KYNU: variants seen among roughly 807,000 people sequenced by gnomAD.
KYNU encodes the protein L-kynurenine hydrolase.
A neutral mutation model predicts 59.2 loss-of-function variants in KYNU; 54 were observed. The observed-to-expected ratio is 0.91, with a 90% CI of 0.73 to 1.14. KYNU has a LOEUF of 1.14. Ranked by LOEUF, KYNU falls within the 50% of genes most tolerant of loss-of-function variation. KYNU has a pLI of 0.00. For synonymous variants in KYNU, 177 were observed against 192.0 expected (o/e 0.92, Z 0.65); for missense variants, 567 against 554.4 (o/e 1.02, Z -0.23).
intron 1 of KYNU, chr2:142,881,468 C>T (rs1436595098): frequency 1.3e-5 from 2 of 152,142 alleles, no homozygotes; most frequent in Admixed American, 1.3e-4. Flanking sequence ...TTATCTAACA[C>T]TCAGATATGC....
chr2:142,948,755 A>G (rs547093619), intron 4 of KYNU, among the ~76,000 whole-genome samples: 2 of 152,270 alleles, frequency 1.3e-5, no homozygotes, highest in African/African-American at 4.8e-5. Context: ...ACCAAACCAT[A>G]TCATTCCACC....
At chr2:143,000,468 A>G (rs1685679935) in intron 10 of KYNU, among the ~76,000 whole-genome samples, 1 of 152,220 alleles carries the variant, frequency 6.6e-6, no homozygotes, top group Non-Finnish European at 1.5e-5. Flanking sequence ...ATACAGAGAC[A>G]AATCTCTAAA....
Position 142,960,890 on chromosome 2 carries a change from T to TA in KYNU, c.729+131dup, listed in dbSNP as rs5834931. On this transcript the variant is annotated intron_variant, in intron 8 of 13. Coordinates refer to ENST00000264170, the MANE Select transcript of KYNU (RefSeq NM_003937.3). ...GTCTGAGTAAAACTATTTCAAAAGT[T>TA]AAAAAAAAAAAGAGTAAACCTTGGG... 6,634 of 923,392 alleles carry TA rather than the reference T, an allele frequency of 7.2e-3. 5 individuals are homozygous for TA. The highest frequency in any genetic ancestry group is 8.0e-3 in the Non-Finnish European group (4,928 of 613,196). 57.2% of individuals were successfully genotyped at this position (923,392 alleles called of 1,614,324 possible). A position where few individuals can be genotyped will look rare whatever the true frequency, so the allele number is the denominator to read the frequency against.
chr2:142,887,005 C>T (rs1681537613), intron 2 of KYNU, among the ~76,000 whole-genome samples: 1 of 152,096 alleles, frequency 6.6e-6, no homozygotes, highest in African/African-American at 2.4e-5. Context: ...CCCATCTCTA[C>T]TAAAACTACA....
intron 4 of KYNU, among the ~76,000 whole-genome samples, chr2:142,945,518 T>G (rs900482244): frequency 1.3e-5 from 2 of 152,206 alleles, no homozygotes; most frequent in African/African-American, 2.4e-5. Flanking sequence ...TTCCTCCACC[T>G]GAAGCCTTGA....
chr2:142,982,903 G>T (rs1274798430), intron 8 of KYNU, among the ~76,000 whole-genome samples: 1 of 151,944 alleles, frequency 6.6e-6, no homozygotes, highest in Non-Finnish European at 1.5e-5. Flanking sequence ...TGATCCTTTG[G>T]TATCTTGTAC....
chr2:142,964,556 A>T (rs1302915598), intron 8 of KYNU: 1 of 152,152 alleles, frequency 6.6e-6, no homozygotes, highest in Non-Finnish European at 1.5e-5. Context: ...TCTTCCAAAT[A>T]CTTGTTGATT....
Position 143,054,742 on chromosome 2 carries a change from C to A in KYNU, c.*12570C>A, listed in dbSNP as rs528978959. ...ATACCATAAAGAGTCAAATACAGGGCATGCAACATAGCTGCTGATTGGATT... is the reference window on the plus strand; with the variant it reads ...ATACCATAAAGAGTCAAATACAGGGAATGCAACATAGCTGCTGATTGGATT... On this transcript the variant is annotated 3_prime_UTR_variant, in exon 14 of 14. Coordinates refer to ENST00000264170, the MANE Select transcript of KYNU (RefSeq NM_003937.3). 1 of 152,096 alleles carries A rather than the reference C, an allele frequency of 6.6e-6. No homozygotes were observed. The highest frequency in any genetic ancestry group is 6.6e-5 in the Admixed American group (1 of 15,264). 9.4% of individuals were successfully genotyped at this position (152,096 alleles called of 1,614,324 possible).
At chr2:142,981,252 G>T (rs1685043606) in intron 8 of KYNU, among the ~76,000 whole-genome samples, 1 of 152,106 alleles carries the variant, frequency 6.6e-6, no homozygotes, top group Non-Finnish European at 1.5e-5. Flanking sequence ...AATTGATAAT[G>T]AAAGTGCTGC....
intron 8 of KYNU, among the ~76,000 whole-genome samples, chr2:142,974,190 T>C (rs1302258293): frequency 6.6e-6 from 1 of 152,128 alleles, no homozygotes; most frequent in African/African-American, 2.4e-5. Context: ...TCACAGAAAC[T>C]GTGGTCTGTG....
At chr2:142,898,519 T>A (rs1681961097) in intron 2 of KYNU, among the ~76,000 whole-genome samples, 1 of 152,230 alleles carries the variant, frequency 6.6e-6, no homozygotes, top group South Asian at 2.1e-4. Context: ...AATGAATATT[T>A]ACTTCAAAAA....
chr2:142,965,911 T>A (rs926407815), intron 8 of KYNU, among the ~76,000 whole-genome samples: 1 of 152,106 alleles, frequency 6.6e-6, no homozygotes, highest in African/African-American at 2.4e-5. Flanking sequence ...CCTTTTTCCT[T>A]TTTTTCTATC....
rs1687287400 is a variant in KYNU, at chr2:143,052,747, T to A, written c.*10575T>A. The A allele has an allele frequency of 1.3e-5, 2 of 152,314 alleles. No homozygotes were observed. The highest frequency in any genetic ancestry group is 1.5e-5 in the Non-Finnish European group (1 of 68,102). 9.4% of individuals were successfully genotyped at this position (152,314 alleles called of 1,614,324 possible). A position where few individuals can be genotyped will look rare whatever the true frequency, so the allele number is the denominator to read the frequency against. Reference sequence around the variant, plus strand: ...CCTGGATGCCCAGGCAGAAGTTTGCTGCAGGGGCAAGGCCCTCATGGAGAA... The same window carrying A: ...CCTGGATGCCCAGGCAGAAGTTTGCAGCAGGGGCAAGGCCCTCATGGAGAA... On this transcript the variant is annotated 3_prime_UTR_variant, in exon 14 of 14. Coordinates refer to ENST00000264170, the MANE Select transcript of KYNU (RefSeq NM_003937.3).
At chr2:142,879,004 T>C (rs1481303539) in intron 1 of KYNU, among the ~76,000 whole-genome samples, 1 of 152,210 alleles carries the variant, frequency 6.6e-6, no homozygotes, top group Non-Finnish European at 1.5e-5. Flanking sequence ...ACACTAAATA[T>C]GTAACATTTG....
intron 8 of KYNU, among the ~76,000 whole-genome samples, chr2:142,976,291 C>G (rs905447866): frequency 7.2e-5 from 11 of 152,246 alleles, no homozygotes; most frequent in South Asian, 6.2e-4. Flanking sequence ...CATTATTCTT[C>G]CCCACCTGGG....
At chr2:142,880,122 G>A (rs893385444) in intron 1 of KYNU, among the ~76,000 whole-genome samples, 2 of 152,144 alleles carry the variant, frequency 1.3e-5, no homozygotes, top group African/African-American at 4.8e-5. Flanking sequence ...CTGCCACTTT[G>A]GCGGCAGGGG....
intron 3 of KYNU, among the ~76,000 whole-genome samples, chr2:142,921,165 A>C (rs1337602976): frequency 6.6e-6 from 1 of 152,186 alleles, no homozygotes; most frequent in Non-Finnish European, 1.5e-5. Flanking sequence ...AGCTTGACTA[A>C]AGGGAAGAGT....
intron 2 of KYNU, among the ~76,000 whole-genome samples, chr2:142,886,260 A>G (rs570252965): frequency 3.9e-5 from 6 of 152,368 alleles, no homozygotes; most frequent in South Asian, 4.1e-4. Flanking sequence ...CGCATCCTTT[A>G]TAATAGTCTG....
At chr2:142,911,824 T>G (rs190458386) in intron 2 of KYNU, among the ~76,000 whole-genome samples, 13 of 152,298 alleles carry the variant, frequency 8.5e-5, no homozygotes, top group African/African-American at 3.1e-4. Flanking sequence ...TTGTTCTCAA[T>G]TATCTTTACA....
Sources: allele counts gnomAD v4.1 joint callset (sites outside exome capture counted in the v4.1 genomes callset), GRCh38; gene constraint gnomAD v4.1.1; transcripts MANE v1.5; gene names NCBI Gene and HGNC (gene_info 2026-07-23, HGNC 2026-07-21).